Variants in PTK7 observed in about 807,000 individuals in gnomAD.
PTK7 encodes the protein protein tyrosine kinase 7 (inactive).
A neutral mutation model predicts 116.6 loss-of-function variants in PTK7; 39 were observed. The observed-to-expected ratio is 0.33, with a 90% CI of 0.26 to 0.44. The LOEUF (loss-of-function observed/expected upper bound fraction) is 0.44. Ranked by LOEUF, PTK7 falls within the 20% of genes least tolerant of loss-of-function variation. The pLI, the probability that PTK7 is intolerant of heterozygous loss-of-function variation, is 1.00. For missense variants in PTK7, 1,169 were observed against 1,425.6 expected, an observed-to-expected ratio of 0.82 and a Z score of 2.90; for synonymous variants, 546 against 563.6, an observed-to-expected ratio of 0.97 and a Z score of 0.44.
At chr6:43,092,603 T>TAA (rs927760125) in intron 1 of PTK7, among the ~76,000 whole-genome samples, 1 of 152,198 alleles carries the variant, frequency 6.6e-6, no homozygotes, top group Non-Finnish European at 1.5e-5. Flanking sequence ...CTACTGTATA[T>TAA]AACATTGTGC....
At chr6:43,160,665 G>A (rs989925314) in intron 19 of PTK7, 56 bp from the exon 20 acceptor site, 1 of 1,597,560 alleles carries the variant, frequency 6.3e-7, no homozygotes, top group Non-Finnish European at 8.6e-7. Flanking sequence ...TCCACAAAGT[G>A]TTGAACAAGT....
chr6:43,084,097 T>C (rs1766525565), intron 1 of PTK7, among the ~76,000 whole-genome samples: 1 of 152,214 alleles, frequency 6.6e-6, no homozygotes, highest in African/African-American at 2.4e-5. Flanking sequence ...TCCAGTTACA[T>C]AGGCCAGATT....
At chr6:43,097,853 T>G (rs1204872690) in intron 1 of PTK7, among the ~76,000 whole-genome samples, 2 of 152,172 alleles carry the variant, frequency 1.3e-5, no homozygotes, top group Admixed American at 1.3e-4. Flanking sequence ...GTTTTCCATT[T>G]TATCAGGTAT....
rs555659893 is a variant in PTK7 at position 43,145,464 on chromosome 6, G to A, written c.2640+32G>A. ...TGTTGGCAGGGGACGTGGGGGTCTC[G>A]GGTAGGGAGGGCAGTGTCCTACAAA... is the stretch of plus-strand genomic sequence containing the variant. On this transcript the variant is annotated intron_variant, in intron 16 of 19. Transcript: ENST00000230419. This position sits in a 1 kb window ranked among gnomAD's most constrained non-coding sequence, Gnocchi z 4.8. 5.4e-6 allele frequency: 8 copies of A among 1,491,662 alleles called. No homozygotes were observed. In the South Asian group the frequency reaches 8.0e-5, roughly 15 times the overall value. 92.4% of individuals were successfully genotyped at this position (1,491,662 alleles called of 1,614,324 possible). A position where few individuals can be genotyped will look rare whatever the true frequency, so the allele number is the denominator to read the frequency against.
At chr6:43,077,023 A>G (rs1297556632) in intron 1 of PTK7, 8 of 1,366,586 alleles carry the variant, frequency 5.9e-6, no homozygotes, top group Non-Finnish European at 7.6e-6. Context: ...TGCCGGACAG[A>G]CCTGCGGCGC....
chr6:43,142,371 C>G, intron 13 of PTK7, 72 bp downstream of exon 13: 2 of 1,607,584 alleles, frequency 1.2e-6, no homozygotes, highest in South Asian at 1.1e-5. Context: ...TACTCAGCCC[C>G]TGTGTACAGA....
intron 17 of PTK7, among the ~76,000 whole-genome samples, chr6:43,157,364 A>ATATATTTTTTT (rs70990168): frequency 9.2e-5 from 5 of 54,360 alleles, no homozygotes; most frequent in South Asian, 1.6e-3. Flanking sequence ...ATATATATAT[A>ATATATTTTTTT]TTTTTTTTTT....
At chr6:43,157,364 A>ATATATATATTTTTT (rs70990168) in intron 17 of PTK7, among the ~76,000 whole-genome samples, 5 of 54,348 alleles carry the variant, frequency 9.2e-5, no homozygotes, top group South Asian at 8.0e-4. Flanking sequence ...ATATATATAT[A>ATATATATATTTTTT]TTTTTTTTTT....
intron 1 of PTK7, among the ~76,000 whole-genome samples, chr6:43,110,926 C>CT (rs1243715330): frequency 1.3e-5 from 2 of 152,132 alleles, no homozygotes; most frequent in Non-Finnish European, 2.9e-5. Context: ...AAGCTGAAGT[C>CT]TAATAGTGAT....
Position 43,161,653 on chromosome 6 carries a change from GTTT to G in PTK7, c.*777_*779del, listed in dbSNP as rs375892743. Reference sequence around the variant, plus strand: ...ATTGTTGTCGTTTTTTGTTTGTTTTGTTTTTTTGTTTTTGTTTTTGTTTTTACA... The same window carrying G: ...ATTGTTGTCGTTTTTTGTTTGTTTTGTTTTGTTTTTGTTTTTGTTTTTACA... On this transcript the variant is annotated 3_prime_UTR_variant, in exon 20 of 20. Coordinates refer to ENST00000230419, the MANE Select transcript of PTK7 (RefSeq NM_002821.5). 1 of 151,910 alleles carries G rather than the reference GTTT, an allele frequency of 6.6e-6. No homozygotes were observed. The highest frequency in any genetic ancestry group is 2.4e-5 in the African/African-American group (1 of 41,356). 9.4% of individuals were successfully genotyped at this position (151,910 alleles called of 1,614,324 possible). A position where few individuals can be genotyped will look rare whatever the true frequency, so the allele number is the denominator to read the frequency against.
At chr6:43,080,072 G>C (rs1460380133) in intron 1 of PTK7, among the ~76,000 whole-genome samples, 1 of 149,650 alleles carries the variant, frequency 6.7e-6, no homozygotes, top group South Asian at 2.1e-4. Context: ...AAAAAAAAGG[G>C]CAGGATGCAG....
At chr6:43,094,095 A>G (rs1327791380) in intron 1 of PTK7, among the ~76,000 whole-genome samples, 1 of 152,236 alleles carries the variant, frequency 6.6e-6, no homozygotes, top group African/African-American at 2.4e-5. Flanking sequence ...AAAGTTGCAA[A>G]CGAAGACAGG....
At chr6:43,132,191 T>A in intron 6 of PTK7, 27 bp downstream of exon 6, 1 of 1,575,344 alleles carries the variant, frequency 6.3e-7, no homozygotes, top group Non-Finnish European at 8.6e-7. Context: ...GGGGTGCTGA[T>A]GTGGGAGGCT....
intron 17 of PTK7, among the ~76,000 whole-genome samples, chr6:43,153,818 C>T (rs1330120333): frequency 6.6e-6 from 1 of 151,906 alleles, no homozygotes; most frequent in Non-Finnish European, 1.5e-5. Flanking sequence ...GGAAGGATTG[C>T]TTGGGCCAGG....
intron 7 of PTK7, among the ~76,000 whole-genome samples, chr6:43,136,061 G>T (rs1044185754): frequency 6.6e-6 from 1 of 152,164 alleles, no homozygotes; most frequent in African/African-American, 2.4e-5. Context: ...GGTGGCATGT[G>T]CCTGTAATCC....
At chr6:43,148,434 G>T (rs1283721219) in intron 17 of PTK7, among the ~76,000 whole-genome samples, 1 of 152,174 alleles carries the variant, frequency 6.6e-6, no homozygotes, top group Non-Finnish European at 1.5e-5. Flanking sequence ...AGATGGTTGT[G>T]GTTAACAAAG....
rs1169824303 is a variant in PTK7, at chr6:43,158,776, C to T, written c.2722-41C>T. ...GTGTTGAGGGTGGTCATCTTGATGC[C>T]TATTCCTGGGCTGCTCTAACAGGCC... On this transcript the variant is annotated intron_variant, in intron 17 of 19. Transcript: ENST00000230419. 10 of 1,598,238 alleles carry T rather than the reference C, an allele frequency of 6.3e-6. No individual in the cohort carries two copies. The Admixed American group carries it at 6.9e-5, about 11-fold the overall frequency.
At chr6:43,119,557 A>G (rs998333102) in intron 1 of PTK7, among the ~76,000 whole-genome samples, 19 of 152,212 alleles carry the variant, frequency 1.2e-4, no homozygotes, top group African/African-American at 4.1e-4. Context: ...CCTCCAGTGA[A>G]TGGCTGTTGA....
intron 1 of PTK7, among the ~76,000 whole-genome samples, chr6:43,084,600 A>G (rs1219111508): frequency 2.0e-5 from 3 of 152,236 alleles, no homozygotes; most frequent in African/African-American, 4.8e-5. Flanking sequence ...GAGGGAGTTC[A>G]TTCAAAGTGC....
Sources: gnomAD v4.1 joint callset for allele counts (sites outside exome capture counted in the v4.1 genomes callset) on GRCh38, gnomAD v4.1.1 for gene constraint, Gnocchi (gnomAD v3.1) non-coding constraint, MANE v1.5 for transcripts, NCBI Gene and HGNC (gene_info 2026-07-23, HGNC 2026-07-21) for gene names.